MTMR8: variants seen among roughly 807,000 people sequenced by gnomAD.
MTMR8 encodes the protein myotubularin related protein 8.
A neutral mutation model predicts 39.3 loss-of-function variants in MTMR8; 65 were observed. The ratio of observed to expected loss-of-function variants is 1.65; its 90% confidence interval spans 1.35 to 2.03. MTMR8 has a LOEUF of 2.03. Among genes scored for constraint, MTMR8 ranks in the 30% most tolerant of loss-of-function variants. The pLI is 0.00. For missense variants in MTMR8, 777 were observed against 538.9 expected, an observed-to-expected ratio of 1.44 and a Z score of -4.37; for synonymous variants, 245 against 185.2, an observed-to-expected ratio of 1.32 and a Z score of -2.62.
chrX:64,347,078 G>A (rs1037407231), intron 6 of MTMR8, among the ~76,000 whole-genome samples: 11 of 110,999 alleles, frequency 9.9e-5, no homozygotes, highest in Non-Finnish European at 1.9e-4. Context: ...AAGGCTGAAA[G>A]CAGGATTTGA....
At chrX:64,310,067 G>A (rs1056133888) in intron 12 of MTMR8, among the ~76,000 whole-genome samples, 7 of 111,387 alleles carry the variant, frequency 6.3e-5, no homozygotes, top group Admixed American at 5.8e-4. Context: ...AGATTCCTCT[G>A]TAGCATGTGA....
intron 12 of MTMR8, among the ~76,000 whole-genome samples, chrX:64,315,739 A>G (rs1027452293): frequency 9.0e-6 from 1 of 111,642 alleles, no homozygotes; most frequent in Middle Eastern, 4.7e-3. Flanking sequence ...TAAGATAATT[A>G]TATATGTTAG....
chrX:64,385,886 G>A (rs1318244568), intron 1 of MTMR8, among the ~76,000 whole-genome samples: 1 of 111,365 alleles, frequency 9.0e-6, no homozygotes, highest in Non-Finnish European at 1.9e-5. Flanking sequence ...AATCACATCA[G>A]AGACCATTGT....
At chrX:64,338,311 A>G (rs1393921551) in intron 8 of MTMR8, among the ~76,000 whole-genome samples, 2 of 112,230 alleles carry the variant, frequency 1.8e-5, no homozygotes, top group Non-Finnish European at 3.8e-5. Context: ...ATGACTGCAA[A>G]CCAATGAAAA....
intron 12 of MTMR8, among the ~76,000 whole-genome samples, chrX:64,307,640 C>T (rs1446035122): frequency 2.7e-5 from 3 of 111,557 alleles, no homozygotes; most frequent in Non-Finnish European, 5.6e-5. Context: ...GTTCCTCCCA[C>T]CTTATACTTC....
At chrX:64,390,308 G>A (rs1924661027) in intron 1 of MTMR8, among the ~76,000 whole-genome samples, 1 of 112,008 alleles carries the variant, frequency 8.9e-6, no homozygotes, top group African/African-American at 3.2e-5. Flanking sequence ...ACTACAAAGT[G>A]TTACAAAGTG....
intron 12 of MTMR8, among the ~76,000 whole-genome samples, chrX:64,276,704 G>T (rs1931878666): frequency 9.0e-6 from 1 of 111,695 alleles, no homozygotes; most frequent in Non-Finnish European, 1.9e-5. Context: ...TTCCAATTAT[G>T]TGATCAATTT....
intron 12 of MTMR8, among the ~76,000 whole-genome samples, chrX:64,312,335 A>G (rs1212933529): frequency 9.0e-6 from 1 of 111,280 alleles, no homozygotes; most frequent in Non-Finnish European, 1.9e-5. Flanking sequence ...AATCCGTGTG[A>G]TTTCTGCACA....
chrX:64,268,984 G>C lies in MTMR8; in HGVS notation c.1668C>G (p.Asn556Lys), dbSNP rs1332513597. 3 of 1,209,875 alleles carry C rather than the reference G, an allele frequency of 2.5e-6. No individual in the cohort carries two copies. In the South Asian group the frequency reaches 5.3e-5, roughly 21 times the overall value. The change falls in exon 14 of 14, where the codon AAC becomes AAG. Residue 556 changes from asparagine to lysine, a missense_variant. Coordinates refer to ENST00000374852, the MANE Select transcript of MTMR8 (RefSeq NM_017677.4). Reference protein sequence around the residue: ...EEICTCSQLGNILSQHLGSPL... With the variant: ...EEICTCSQLGKILSQHLGSPL... ...GACTTCCCAGATGCTGGGATAATAT[G>C]TTTCCTAATTGAGAGCAGGTACAGA...
intron 3 of MTMR8, among the ~76,000 whole-genome samples, chrX:64,355,453 C>A (rs1407633403): frequency 4.5e-5 from 5 of 111,762 alleles, no homozygotes; most frequent in Non-Finnish European, 7.5e-5. Flanking sequence ...TCAAATAACT[C>A]ATTTGACCAA....
At chrX:64,283,766 G>C (rs1206455182) in intron 12 of MTMR8, among the ~76,000 whole-genome samples, 1 of 112,598 alleles carries the variant, frequency 8.9e-6, no homozygotes, top group Non-Finnish European at 1.9e-5. Flanking sequence ...TGATTGTCCT[G>C]ACTGTTAAAA....
chrX:64,311,785 G>A (rs1427981930), intron 12 of MTMR8, among the ~76,000 whole-genome samples: 2 of 24,996 alleles, frequency 8.0e-5, no homozygotes, highest in African/African-American at 2.6e-4. Context: ...TTTTTTTTTT[G>A]GCAGGTTTGT....
chrX:64,296,254 A>G (rs902135101), intron 12 of MTMR8, among the ~76,000 whole-genome samples: 1 of 111,524 alleles, frequency 9.0e-6, no homozygotes, highest in Non-Finnish European at 1.9e-5. Flanking sequence ...TGAGCTACCT[A>G]GAATAGGTAA....
At chrX:64,311,675 G>A (rs905447008) in intron 12 of MTMR8, among the ~76,000 whole-genome samples, 2 of 110,732 alleles carry the variant, frequency 1.8e-5, no homozygotes, top group Non-Finnish European at 3.8e-5. Context: ...TTTTGTATAA[G>A]GTGTAAGGAA....
intron 6 of MTMR8, among the ~76,000 whole-genome samples, chrX:64,347,846 G>T (rs942235673): frequency 8.9e-6 from 1 of 112,296 alleles, no homozygotes; most frequent in Non-Finnish European, 1.9e-5. Context: ...TGAAGGTTAA[G>T]GAATTAATGC....
chrX:64,356,269 G>T lies in MTMR8; in HGVS notation c.217C>A (p.Arg73Ser). ...TGGGCCACCCGGAAATTCTTGCAGC[G>T]GAGGGTCAGGGGACAACCCAGGCTA... ...ITSLGCPLTL[R>S]CKNFRVAHFV... Residue 73 changes from arginine (R) to serine (S), a missense_variant, in exon 3 of 14, where the codon CGC becomes AGC. Transcript: ENST00000374852. 8.3e-7 allele frequency: 1 copy of T among 1,209,656 alleles called. No homozygotes were observed. Among genetic ancestry groups the T allele is most frequent in the Non-Finnish European group, 1.1e-6 (1 of 894,271 alleles).
At chrX:64,314,647 GTGGCACAGCA>G (rs973818638) in intron 12 of MTMR8, among the ~76,000 whole-genome samples, 7 of 113,025 alleles carry the variant, frequency 6.2e-5, no homozygotes, top group African/African-American at 1.9e-4. Flanking sequence ...GCTGGCAGCA[GTGGCACAGCA>G]TGGTTCAGTG....
At chrX:64,329,947 C>T (rs1440694397) in intron 11 of MTMR8, among the ~76,000 whole-genome samples, 1 of 111,328 alleles carries the variant, frequency 9.0e-6, no homozygotes, top group Admixed American at 9.6e-5. Context: ...TATTTTAGCC[C>T]AAAATTACTA....
At chrX:64,308,320 A>ATTTTTTTTTTTTTTT (rs778962275) in intron 12 of MTMR8, among the ~76,000 whole-genome samples, 24 of 69,574 alleles carry the variant, frequency 3.4e-4, no homozygotes, top group African/African-American at 1.0e-3. Context: ...ACGGCTGGCT[A>ATTTTTTTTTTTTTTT]TTTTTTTTTT....
Sources: allele counts gnomAD v4.1 joint callset (sites outside exome capture counted in the v4.1 genomes callset), GRCh38; gene constraint gnomAD v4.1.1; transcripts MANE v1.5; gene names NCBI Gene and HGNC (gene_info 2026-07-23, HGNC 2026-07-21).